DMXL1: variants seen among roughly 807,000 people sequenced by gnomAD.
DMXL1 encodes the protein dmX-like protein 1.
Under a neutral mutation model 319.2 loss-of-function variants are expected in DMXL1, and 99 were observed. The ratio of observed to expected loss-of-function variants is 0.31; its 90% CI spans 0.26 to 0.37. DMXL1 has a LOEUF of 0.37. Among genes scored for constraint, DMXL1 ranks in the 10% least tolerant of loss-of-function variants. The pLI is 1.00. For missense variants in DMXL1, 3,745 were observed against 3,595.6 expected, an observed-to-expected ratio of 1.04 and a Z score of -1.06; for synonymous variants, 1,385 against 1,235.2, an observed-to-expected ratio of 1.12 and a Z score of -2.54.
At chr5:119,131,559 C>G (rs1278464002) in intron 10 of DMXL1, among the ~76,000 whole-genome samples, 1 of 152,198 alleles carries the variant, frequency 6.6e-6, no homozygotes, top group African/African-American at 2.4e-5. Context: ...TTTAAAAACT[C>G]AGTCCCAATT....
At chr5:119,159,286 A>T (rs572706229) in intron 19 of DMXL1, among the ~76,000 whole-genome samples, 1 of 152,214 alleles carries the variant, frequency 6.6e-6, no homozygotes, top group South Asian at 2.1e-4. Context: ...TAGTAGAGAC[A>T]GAGTTTCACC....
chr5:119,209,685 A>C (rs187984040), intron 34 of DMXL1, among the ~76,000 whole-genome samples: 1 of 152,098 alleles, frequency 6.6e-6, no homozygotes, highest in African/African-American at 2.4e-5. Context: ...TGTGTAGTCT[A>C]TATTTTCATT....
At chr5:119,232,021 A>T (rs555590772) in intron 38 of DMXL1, among the ~76,000 whole-genome samples, 1 of 152,078 alleles carries the variant, frequency 6.6e-6, no homozygotes, top group South Asian at 2.1e-4. Flanking sequence ...CCCAGGCAGG[A>T]GTTTTATGGC....
chr5:119,101,304 TG>T lies in DMXL1; in HGVS notation c.214-630del, dbSNP rs368647584. On this transcript the variant is annotated intron_variant, in intron 2 of 43. Transcript: ENST00000539542. ...CTTACCTTCTCTTTACTACATCATATGTTTTTTTTTCTATCCCTGATTCATT... is the reference window on the plus strand; with the variant it reads ...CTTACCTTCTCTTTACTACATCATATTTTTTTTTTCTATCCCTGATTCATT... 5.3e-3 allele frequency among the ~76,000 whole-genome samples: 808 copies of T among 152,200 alleles called. 3 individuals carry two copies. The highest frequency in any genetic ancestry group is 0.019 in the African/African-American group (778 of 41,470).
At chr5:119,074,216 G>C (rs769990038) in intron 1 of DMXL1, among the ~76,000 whole-genome samples, 2 of 152,230 alleles carry the variant, frequency 1.3e-5, no homozygotes, top group African/African-American at 4.8e-5. Flanking sequence ...ACTGCACCCA[G>C]CCTTGAGTGT....
Position 119,237,404 on chromosome 5 carries a change from A to T in DMXL1, c.8549A>T (p.Lys2850Met). The T allele has an allele frequency of 6.3e-7, 1 of 1,598,968 alleles. No homozygotes were observed. Among genetic ancestry groups the T allele is most frequent in the South Asian group, 1.1e-5 (1 of 88,718 alleles). ...TGTCCAGTTACTGGAAGCATGCCTA[A>T]GCCATACCTGGTAAGCCAAGAATTT... ...KCCPVTGSMP[K>M]PYLTWQCHNK... The change falls in exon 40 of 44, where the codon AAG (lysine) becomes ATG (methionine). Residue 2850 changes from lysine (K) to methionine (M), a missense_variant. This residue lies in a region of DMXL1 where 262 missense variants were observed against 320.5 expected (regional missense o/e 0.82). Coordinates refer to ENST00000539542, the MANE Select transcript of DMXL1 (RefSeq NM_001290321.3).
At chr5:119,172,262 T>C (rs959869789) in intron 25 of DMXL1, among the ~76,000 whole-genome samples, 7 of 152,214 alleles carry the variant, frequency 4.6e-5, no homozygotes, top group African/African-American at 7.2e-5. Context: ...GTAGTACATT[T>C]AACCAAAAAG....
chr5:119,118,238 T>TA (rs1462304943), intron 7 of DMXL1, among the ~76,000 whole-genome samples: 1 of 152,198 alleles, frequency 6.6e-6, no homozygotes, highest in Non-Finnish European at 1.5e-5. Context: ...ATCTGTTAGG[T>TA]AAGGAGAGAA....
intron 1 of DMXL1, among the ~76,000 whole-genome samples, chr5:119,089,597 G>C (rs1469956561): frequency 7.0e-6 from 1 of 142,520 alleles, no homozygotes; most frequent in African/African-American, 2.6e-5. Flanking sequence ...CATCAGTCTT[G>C]TGCACAGCGA....
rs746909307 is a variant in DMXL1, at chr5:119,164,096, G to GT, written c.4703-396dup. Among the ~76,000 whole-genome samples, 467 of 146,146 alleles carry GT rather than the reference G, an allele frequency of 3.2e-3. 2 individuals are homozygous for GT. Among genetic ancestry groups the GT allele is most frequent in the African/African-American group, 6.2e-3 (245 of 39,780 alleles). ...CATCAACCTGAACTGCTTGCTTGAT[G>GT]TTTTTTTTTTTTTTTACTAATTCCA... On this transcript the variant is annotated intron_variant, in intron 19 of 43. Coordinates refer to ENST00000539542, the MANE Select transcript of DMXL1 (RefSeq NM_001290321.3).
At chr5:119,161,327 C>T (rs1772221677) in intron 19 of DMXL1, among the ~76,000 whole-genome samples, 1 of 152,216 alleles carries the variant, frequency 6.6e-6, no homozygotes, top group African/African-American at 2.4e-5. Context: ...CTGCGATAGC[C>T]TCTAATTGGG....
chr5:119,131,127 A>T (rs1276269772), intron 10 of DMXL1, among the ~76,000 whole-genome samples: 1 of 148,954 alleles, frequency 6.7e-6, no homozygotes, highest in East Asian at 2.0e-4. Context: ...CTTGCCTTTT[A>T]ATACCCTTTA....
intron 27 of DMXL1, among the ~76,000 whole-genome samples, chr5:119,177,770 T>A (rs1776090238): frequency 6.6e-6 from 1 of 152,260 alleles, no homozygotes; most frequent in Non-Finnish European, 1.5e-5. Context: ...GACATCTTAG[T>A]CATGAAAGAT....
At chr5:119,122,684 G>C (rs1762458374) in intron 9 of DMXL1, among the ~76,000 whole-genome samples, 1 of 151,032 alleles carries the variant, frequency 6.6e-6, no homozygotes, top group Admixed American at 6.6e-5. Flanking sequence ...CCGGGCAGAG[G>C]CGCTCCTCAC....
At chr5:119,077,754 A>ATTGT (rs1751273127) in intron 1 of DMXL1, among the ~76,000 whole-genome samples, 2 of 125,336 alleles carry the variant, frequency 1.6e-5, no homozygotes, top group African/African-American at 6.5e-5. Context: ...TTATTTTTTA[A>ATTGT]GTGTGTGTGT....
At position 119,233,289 on chromosome 5, in the gene DMXL1, T is replaced by C. The variant is rs564967614; in HGVS notation, c.8339-51T>C. The C allele has an allele frequency of 5.7e-6, 9 of 1,577,686 alleles. No homozygotes were observed. The African/African-American group carries it at 6.8e-5, about 12-fold the overall frequency. ...TCACATAGGATAAAGAAATAACTTTTCCCAAAGATTCTTGAAATAAATCTG... is the reference window on the plus strand; with the variant it reads ...TCACATAGGATAAAGAAATAACTTTCCCCAAAGATTCTTGAAATAAATCTG... On this transcript the variant is annotated intron_variant, in intron 38 of 43. Coordinates refer to ENST00000539542, the MANE Select transcript of DMXL1 (RefSeq NM_001290321.3).
chr5:119,083,181 T>A (rs930170194), intron 1 of DMXL1, among the ~76,000 whole-genome samples: 2 of 152,180 alleles, frequency 1.3e-5, no homozygotes, highest in Non-Finnish European at 2.9e-5. Context: ...TGGCTAATTT[T>A]GTATATACAC....
chr5:119,162,083 G>A (rs558054052), intron 19 of DMXL1, among the ~76,000 whole-genome samples: 75 of 152,274 alleles, frequency 4.9e-4, no homozygotes, highest in Non-Finnish European at 9.0e-4. Context: ...TCTGACCGTG[G>A]CTTTCTTTTT....
intron 2 of DMXL1, among the ~76,000 whole-genome samples, chr5:119,099,078 A>G (rs571739631): frequency 3.2e-4 from 49 of 152,076 alleles, no homozygotes; most frequent in Non-Finnish European, 5.6e-4. Context: ...TCCCTTTAAT[A>G]TAGTTACAGG....
Sources: allele counts gnomAD v4.1 joint callset (sites outside exome capture counted in the v4.1 genomes callset), GRCh38; gene constraint gnomAD v4.1.1; regional missense constraint gnomAD v4.1.1; transcripts MANE v1.5; gene names NCBI Gene and HGNC (gene_info 2026-07-23, HGNC 2026-07-21).